The following PON3 variants were observed in gnomAD, a reference collection of about 807,000 sequenced individuals.
PON3 encodes the protein serum paraoxonase/lactonase 3.
Under a neutral mutation model 36.3 loss-of-function variants are expected in PON3, and 37 were observed. The ratio of observed to expected loss-of-function variants is 1.02; its 90% CI spans 0.78 to 1.34. The LOEUF is 1.34. PON3 is among the 40% of genes most tolerant of loss of function. The pLI, the probability that PON3 is intolerant of heterozygous loss-of-function variation, is 0.00. For missense variants in PON3, 415 were observed against 426.5 expected (o/e 0.97, Z 0.24); for synonymous variants, 155 against 154.8 (o/e 1.00, Z -0.01).
chr7:95,385,731 G>A (rs1809174906), intron 3 of PON3, among the ~76,000 whole-genome samples: 3 of 152,138 alleles, frequency 2.0e-5, no homozygotes, highest in Non-Finnish European at 4.4e-5. Context: ...AGACCACAGT[G>A]CAATCAAATT....
chr7:95,389,025 A>G (rs1001167042), intron 3 of PON3, among the ~76,000 whole-genome samples: 3 of 152,180 alleles, frequency 2.0e-5, no homozygotes, highest in Non-Finnish European at 4.4e-5. Context: ...CCAGCATGGC[A>G]CATGTATACC....
chr7:95,372,103 T>C, intron 4 of PON3, 70 bp downstream of exon 4: 1 of 1,509,648 alleles, frequency 6.6e-7, no homozygotes, highest in Non-Finnish European at 9.2e-7. Context: ...TACATAAATA[T>C]TGAGGGGCTG....
At chr7:95,366,123 G>T (rs748005563) in intron 5 of PON3, among the ~76,000 whole-genome samples, 8 of 152,054 alleles carry the variant, frequency 5.3e-5, no homozygotes, top group Non-Finnish European at 1.0e-4. Context: ...CTGCTTCCTG[G>T]GATTGTACTC....
At chr7:95,379,362 C>A (rs1040524756) in intron 3 of PON3, among the ~76,000 whole-genome samples, 1 of 152,218 alleles carries the variant, frequency 6.6e-6, no homozygotes, top group Admixed American at 6.5e-5. Context: ...GGGTGCAGGA[C>A]AGTGGGTGCA....
At chr7:95,365,893 C>CA (rs1477418305) in intron 5 of PON3, 1 of 152,168 alleles carries the variant, frequency 6.6e-6, no homozygotes, top group East Asian at 1.9e-4. Flanking sequence ...CTTGCAAGGA[C>CA]ACCAGTTCTA....
chr7:95,360,132 C>T lies in PON3; in HGVS notation c.907-1G>A. 1 of 1,612,416 alleles carries T rather than the reference C, an allele frequency of 6.2e-7. No homozygotes were observed. The highest frequency in any genetic ancestry group is 8.5e-7 in the Non-Finnish European group (1 of 1,178,500). On this transcript the variant is annotated splice_acceptor_variant, in intron 8 of 8. Coordinates refer to ENST00000265627, the MANE Select transcript of PON3 (RefSeq NM_000940.3). LOFTEE classifies it high-confidence loss of function. The stretch of plus-strand genomic sequence containing the variant: ...ACAAAACATTCTGGATGCGAAGTAC[C>T]TGTCGAGAAAAGATCGTTTATTAGT...
At position 95,372,257 on chromosome 7, in the gene PON3, G is replaced by A; in HGVS notation, c.283C>T (p.Pro95Ser). The A allele has an allele frequency of 1.2e-6, 2 of 1,613,798 alleles. No homozygotes were observed. Among genetic ancestry groups the A allele is most frequent in the Non-Finnish European group, 1.7e-6 (2 of 1,179,842 alleles). Residue 95 changes from proline (P) to serine (S), a missense_variant, in exon 4 of 9, where the codon CCA (proline) becomes TCA (serine). Coordinates refer to ENST00000265627, the MANE Select transcript of PON3 (RefSeq NM_000940.3). ...CTGATTTCTAGCGCTTGTGCCCTTG[G>A]GTTTTGTTCATTCAGATCCATCAAG... ...IFLMDLNEQNPRAQALEISGG... is the reference protein window; with the variant it reads ...IFLMDLNEQNSRAQALEISGG...
At chr7:95,392,239 C>A (rs1203015618) in intron 2 of PON3, among the ~76,000 whole-genome samples, 3 of 152,146 alleles carry the variant, frequency 2.0e-5, no homozygotes, top group Non-Finnish European at 2.9e-5. Context: ...CAAACATATG[C>A]CAATAGACAT....
intron 3 of PON3, among the ~76,000 whole-genome samples, chr7:95,384,328 G>C (rs1182834308): frequency 6.6e-6 from 1 of 151,996 alleles, no homozygotes; most frequent in South Asian, 2.1e-4. Flanking sequence ...CAAAAGCAAT[G>C]GCAACAAAAG....
intron 3 of PON3, chr7:95,377,699 G>A: frequency 8.8e-6 from 2 of 227,700 alleles, no homozygotes; most frequent in East Asian, 1.6e-4. Flanking sequence ...ACTGTTAGAA[G>A]GAAAACTAAC....
At chr7:95,372,711 A>T (rs1343729069) in intron 3 of PON3, among the ~76,000 whole-genome samples, 1 of 152,134 alleles carries the variant, frequency 6.6e-6, no homozygotes, top group Non-Finnish European at 1.5e-5. Context: ...TGATTATAAG[A>T]TTATTTCCGG....
chr7:95,368,643 C>T (rs1808746950), intron 4 of PON3, among the ~76,000 whole-genome samples: 1 of 152,112 alleles, frequency 6.6e-6, no homozygotes, highest in African/African-American at 2.4e-5. Flanking sequence ...CTCATTCCAT[C>T]TCTATTTCTA....
chr7:95,375,513 C>T (rs1334329047), intron 3 of PON3, among the ~76,000 whole-genome samples: 3 of 151,994 alleles, frequency 2.0e-5, no homozygotes, highest in Non-Finnish European at 2.9e-5. Context: ...CTCTCTGCCA[C>T]ACATACAGAA....
Position 95,381,383 on chromosome 7 carries a change from C to A in PON3, c.201+8771G>T, listed in dbSNP as rs182189970. Among the ~76,000 whole-genome samples the A allele has an allele frequency of 3.6e-3, 549 of 152,260 alleles. 4 individuals carry two copies. Among genetic ancestry groups the A allele is most frequent in the Middle Eastern group, 0.014 (4 of 294 alleles). On this transcript the variant is annotated intron_variant, in intron 3 of 8. Transcript: ENST00000265627. The stretch of plus-strand genomic sequence containing the variant: ...ACCTTAAATGTAAATGGGCTAAATG[C>A]TCCAATTAAAAGACACAGACTGGCA...
At chr7:95,375,255 C>CAT (rs772681062) in intron 3 of PON3, among the ~76,000 whole-genome samples, 1 of 149,200 alleles carries the variant, frequency 6.7e-6, no homozygotes, top group African/African-American at 2.5e-5. Context: ...TATATGTATA[C>CAT]ATATATATAT....
chr7:95,381,399 C>T, intron 3 of PON3, among the ~76,000 whole-genome samples: 1 of 152,140 alleles, frequency 6.6e-6, no homozygotes, highest in Non-Finnish European at 1.5e-5. Context: ...TTAAAAGACA[C>T]AGACTGGCAA....
chr7:95,365,219 C>G (rs1808664482), intron 5 of PON3: 1 of 152,336 alleles, frequency 6.6e-6, no homozygotes, highest in South Asian at 2.1e-4. Flanking sequence ...ATAGCCTCAC[C>G]TACCTTGTTC....
At chr7:95,391,070 T>C (rs372091577) in intron 2 of PON3, among the ~76,000 whole-genome samples, 77 of 152,220 alleles carry the variant, frequency 5.1e-4, no homozygotes, top group African/African-American at 1.7e-3. Flanking sequence ...CTACTGCTAC[T>C]TGGCATAACT....
intron 4 of PON3, among the ~76,000 whole-genome samples, chr7:95,371,432 A>G (rs1349726873): frequency 2.0e-5 from 3 of 152,020 alleles, no homozygotes; most frequent in Non-Finnish European, 4.4e-5. Context: ...GAGGGTTCCA[A>G]TTTTTCTACA....
Sources: gnomAD v4.1 joint callset for allele counts (sites outside exome capture counted in the v4.1 genomes callset) on GRCh38, gnomAD v4.1.1 for gene constraint, MANE v1.5 for transcripts, NCBI Gene and HGNC (gene_info 2026-07-23, HGNC 2026-07-21) for gene names.